The following SIPA1L2 variants were observed in gnomAD, a reference collection of about 807,000 sequenced individuals.
SIPA1L2 encodes signal-induced proliferation-associated 1-like protein 2.
In SIPA1L2, 56 loss-of-function variants were observed where a neutral mutation model predicts 163.9. The ratio of observed to expected loss-of-function variants is 0.34; its 90% CI spans 0.28 to 0.43. The LOEUF is 0.43. SIPA1L2 is among the 20% of genes least tolerant of loss of function. SIPA1L2 has a pLI of 1.00. For synonymous variants in SIPA1L2, 877 were observed against 865.7 expected (o/e 1.01, Z -0.23); for missense variants, 1,974 against 2,193.5 (o/e 0.90, Z 2.00).
intron 22 of SIPA1L2, among the ~76,000 whole-genome samples, chr1:232,400,085 A>C (rs947096810): frequency 1.3e-5 from 2 of 151,930 alleles, no homozygotes; most frequent in Non-Finnish European, 1.5e-5. Context: ...CCTCCTCAAT[A>C]CCACCTGCCT....
In SIPA1L2 at chr1:232,501,048, G is replaced by GTTT. The variant is rs1421294418; in HGVS notation, c.1484-7389_1484-7388insAAA. ...ATTGTTAGCACTTTTTAGCAATGAAGTATTTTTTTTTTTTTTTTTTTTTTT... is the reference window on the plus strand; with the variant it reads ...ATTGTTAGCACTTTTTAGCAATGAAGTTTTATTTTTTTTTTTTTTTTTTTTTTT... On this transcript the variant is annotated intron_variant, in intron 3 of 22. Coordinates refer to ENST00000674635, the MANE Select transcript of SIPA1L2 (RefSeq NM_020808.5). Among the ~76,000 whole-genome samples the GTTT allele has an allele frequency of 4.3e-4, 25 of 58,462 alleles. No homozygotes were observed. The East Asian group carries it at 5.7e-3, about 13-fold the overall frequency. 38.4% of individuals were successfully genotyped at this position (58,462 alleles called of 152,430 possible).
At position 232,415,585 on chromosome 1, in the gene SIPA1L2, G is replaced by A. The variant is rs1298959695; in HGVS notation, c.4671C>T (p.Ser1557=). 2 of 1,613,786 alleles carry A rather than the reference G, an allele frequency of 1.2e-6. No individual in the cohort carries two copies. The highest frequency in any genetic ancestry group is 1.7e-6 in the Non-Finnish European group (2 of 1,179,942). The change falls in exon 19 of 23, where the codon TCC becomes TCT. Residue 1557 remains serine, a synonymous_variant. Transcript: ENST00000674635. The part of the protein sequence containing the change: ...WFSDGSLSDK[S]KCADPGLMPL... The stretch of plus-strand genomic sequence containing the variant: ...GCATCAGGCCAGGATCTGCGCACTT[G>A]GACTTATCTGATAAGGACCCATCGG...
chr1:232,425,102 C>T (rs6678464), intron 18 of SIPA1L2, among the ~76,000 whole-genome samples: 4,438 of 152,196 alleles, frequency 0.029, 222 homozygotes, highest in African/African-American at 0.1. Context: ...AAGCCGCCCA[C>T]GGGTAAAGCC....
intron 2 of SIPA1L2, among the ~76,000 whole-genome samples, chr1:232,535,964 A>G (rs1398720613): frequency 6.6e-6 from 1 of 152,214 alleles, no homozygotes; most frequent in African/African-American, 2.4e-5. Context: ...CCTTAGGGAT[A>G]TGTTCTGTAG....
intron 2 of SIPA1L2, among the ~76,000 whole-genome samples, chr1:232,573,853 C>T (rs143577863): frequency 6.6e-6 from 1 of 152,252 alleles, no homozygotes; most frequent in East Asian, 1.9e-4. Flanking sequence ...ATAAGGGATG[C>T]TCCATGTAGA....
chr1:232,487,015 T>C (rs1196723371), intron 5 of SIPA1L2, among the ~76,000 whole-genome samples: 1 of 152,238 alleles, frequency 6.6e-6, no homozygotes, highest in Non-Finnish European at 1.5e-5. Context: ...ATAAGAGCTG[T>C]GCCAGTCCCA....
At chr1:232,587,640 T>C (rs1285002047) in intron 1 of SIPA1L2, among the ~76,000 whole-genome samples, 1 of 152,198 alleles carries the variant, frequency 6.6e-6, no homozygotes, top group Non-Finnish European at 1.5e-5. Context: ...TCTTACCACA[T>C]AACTGCAGTT....
In SIPA1L2 at chr1:232,514,915, C is replaced by T; in HGVS notation, c.425G>A (p.Gly142Glu). Residue 142 changes from glycine to glutamate, a missense_variant, in exon 3 of 23, where the codon GGA becomes GAA. Physicochemically the swap from Gly to Glu is moderately conservative, Grantham distance 98 (BLOSUM62 -2). Transcript: ENST00000674635. Reference protein sequence around the residue: ...LDFVEAKYTIGDIFVHSPQRG... With the variant: ...LDFVEAKYTIEDIFVHSPQRG... ...TTGGGGGGAATGGACAAAGATGTCT[C>T]CGATTGTGTACTTGGCCTCCACGAA... 1 of 1,614,134 alleles carries T rather than the reference C, an allele frequency of 6.2e-7. No individual in the cohort carries two copies. The highest frequency in any genetic ancestry group is 8.5e-7 in the Non-Finnish European group (1 of 1,180,006).
intron 1 of SIPA1L2, among the ~76,000 whole-genome samples, chr1:232,597,415 C>T (rs540992654): frequency 3.3e-5 from 5 of 151,876 alleles, no homozygotes; most frequent in East Asian, 2.0e-4. Context: ...CGGTGGCTCA[C>T]ACCTGTAATC....
At chr1:232,602,121 T>G (rs1661629655) in intron 1 of SIPA1L2, among the ~76,000 whole-genome samples, 2 of 152,038 alleles carry the variant, frequency 1.3e-5, no homozygotes. Context: ...CAGGCAAGAC[T>G]GAAGACAAGG....
intron 1 of SIPA1L2, among the ~76,000 whole-genome samples, chr1:232,604,178 T>C (rs1661766560): frequency 6.6e-6 from 1 of 152,230 alleles, no homozygotes; most frequent in South Asian, 2.1e-4. Flanking sequence ...CCTGTGAGAA[T>C]CTACACCAAC....
At chr1:232,416,986 C>G (rs1661301298) in intron 18 of SIPA1L2, among the ~76,000 whole-genome samples, 1 of 152,200 alleles carries the variant, frequency 6.6e-6, no homozygotes, top group Non-Finnish European at 1.5e-5. Context: ...TTTAATGTGC[C>G]TTTTCTGAAC....
At chr1:232,503,573 T>G (rs1423949531) in intron 3 of SIPA1L2, among the ~76,000 whole-genome samples, 2 of 152,214 alleles carry the variant, frequency 1.3e-5, no homozygotes, top group Admixed American at 1.3e-4. Flanking sequence ...CAGCACCATT[T>G]ATAAGTACAC....
intron 10 of SIPA1L2, among the ~76,000 whole-genome samples, chr1:232,453,317 C>CAA (rs1186309426): frequency 6.6e-6 from 1 of 151,904 alleles, no homozygotes; most frequent in African/African-American, 2.4e-5. Context: ...ATATTCTTAT[C>CAA]AAAAAAAGAG....
At chr1:232,579,526 A>T (rs773898140) in intron 1 of SIPA1L2, among the ~76,000 whole-genome samples, 3 of 152,234 alleles carry the variant, frequency 2.0e-5, no homozygotes, top group African/African-American at 7.2e-5. Flanking sequence ...CATTTCCTAC[A>T]GGATAAGCAA....
chr1:232,579,971 T>C (rs1339344975), intron 1 of SIPA1L2, among the ~76,000 whole-genome samples: 1 of 152,116 alleles, frequency 6.6e-6, no homozygotes, highest in Non-Finnish European at 1.5e-5. Flanking sequence ...TTGAGGTGAA[T>C]TCGTAAAGTG....
chr1:232,599,766 C>G (rs1465661764), intron 1 of SIPA1L2, among the ~76,000 whole-genome samples: 1 of 152,354 alleles, frequency 6.6e-6, no homozygotes, highest in South Asian at 2.1e-4. Context: ...GAGCCTCACA[C>G]TAAGATGACT....
chr1:232,597,491 C>A (rs1326345356), intron 1 of SIPA1L2, among the ~76,000 whole-genome samples: 1 of 148,080 alleles, frequency 6.8e-6, no homozygotes, highest in East Asian at 2.0e-4. Context: ...TCCTGGCTAA[C>A]ACGGTGAAAC....
At chr1:232,618,520 G>A (rs1443761319) in intron 1 of SIPA1L2, among the ~76,000 whole-genome samples, 1 of 152,096 alleles carries the variant, frequency 6.6e-6, no homozygotes, top group Admixed American at 6.5e-5. Context: ...TGGGCATGGT[G>A]GCGTGCGCCT....
Sources: gnomAD v4.1 joint callset for allele counts (sites outside exome capture counted in the v4.1 genomes callset) on GRCh38, gnomAD v4.1.1 for gene constraint, MANE v1.5 for transcripts, NCBI Gene and HGNC (gene_info 2026-07-23, HGNC 2026-07-21) for gene names.